The following UNC13C variants were observed in gnomAD, a reference collection of about 807,000 sequenced individuals.
UNC13C encodes the protein protein unc-13 homolog C.
A neutral mutation model predicts 245.4 loss-of-function variants in UNC13C; 174 were observed. That is an observed-to-expected ratio of 0.71 (90% confidence interval 0.63 to 0.80). The LOEUF (loss-of-function observed/expected upper bound fraction) is 0.80, where lower values mean the gene tolerates loss of function less well. Among genes scored for constraint, UNC13C ranks in the 30% least tolerant of loss-of-function variants. The pLI is 0.00. For synonymous variants in UNC13C, 992 were observed against 895.1 expected (o/e 1.11, Z -1.93); for missense variants, 2,829 against 2,602.9 (o/e 1.09, Z -1.89).
intron 13 of UNC13C, among the ~76,000 whole-genome samples, chr15:54,310,768 ATC>A (rs773181747): frequency 0.16 from 23,691 of 151,078 alleles, 2,229 homozygotes; most frequent in East Asian, 0.42. Flanking sequence ...CTATATCTAT[ATC>A]TATATCTATA....
intron 17 of UNC13C, among the ~76,000 whole-genome samples, chr15:54,357,691 T>A (rs955354069): frequency 9.2e-5 from 14 of 152,064 alleles, no homozygotes; most frequent in Non-Finnish European, 1.9e-4. Context: ...GAAAGTAATC[T>A]GGGGAGATAA....
At chr15:53,925,650 G>A in the UNC13C span, among the ~76,000 whole-genome samples, 16 of 152,238 alleles carry the variant, frequency 1.1e-4, no homozygotes, top group East Asian at 1.9e-3. Context: ...AGCTCTCCCC[G>A]TAAAATGACA....
At chr15:53,858,445 G>A in the UNC13C span, among the ~76,000 whole-genome samples, 1 of 150,448 alleles carries the variant, frequency 6.6e-6, no homozygotes, top group South Asian at 2.1e-4. Context: ...TTTTGAGATG[G>A]TGTCTCGCTC....
chr15:54,531,963 C>T (rs1271703287), intron 25 of UNC13C, among the ~76,000 whole-genome samples: 1 of 152,148 alleles, frequency 6.6e-6, no homozygotes, highest in Non-Finnish European at 1.5e-5. Flanking sequence ...CTTTACTTAA[C>T]ACAATGCTTT....
At chr15:54,033,159 T>C (rs558479804) in intron 2 of UNC13C, among the ~76,000 whole-genome samples, 1 of 152,268 alleles carries the variant, frequency 6.6e-6, no homozygotes, top group East Asian at 1.9e-4. Context: ...AAGATGTTCC[T>C]TTAATAATGG....
chr15:54,295,471 AG>A (rs1480683563), intron 11 of UNC13C, among the ~76,000 whole-genome samples: 2 of 152,218 alleles, frequency 1.3e-5, no homozygotes, highest in Non-Finnish European at 1.5e-5. Context: ...CAACATAGTG[AG>A]ACCCATCTCT....
chr15:54,271,423 A>G (rs1031157371), intron 10 of UNC13C, among the ~76,000 whole-genome samples: 13 of 152,198 alleles, frequency 8.5e-5, no homozygotes, highest in African/African-American at 3.1e-4. Flanking sequence ...TGTTAATGAA[A>G]TGTCTTATGC....
Position 54,143,678 on chromosome 15 carries a change from G to T in UNC13C, c.3065G>T (p.Cys1022Phe), listed in dbSNP as rs1354501333. Residue 1022 changes from cysteine (C) to phenylalanine (F), a missense_variant, in exon 4 of 33, where the codon TGT becomes TTT. Cys to Phe is a radical substitution (Grantham distance 205). Coordinates refer to ENST00000260323, the MANE Select transcript of UNC13C (RefSeq NM_001080534.3). ...TCCAAATTTTCTGCACTCCAGGTGT[G>T]TGGTGGGTAAGTACCTTCATACCTT... ...DASKFSALQV[C>F]GGAGGGLYGI... is the part of the protein sequence containing the mutation. 1.2e-6 allele frequency: 2 copies of T among 1,612,808 alleles called. No individual in the cohort carries two copies. Among genetic ancestry groups the T allele is most frequent in the Non-Finnish European group, 1.7e-6 (2 of 1,179,122 alleles).
At chr15:54,510,539 A>G (rs1192768170) in intron 23 of UNC13C, among the ~76,000 whole-genome samples, 1 of 151,730 alleles carries the variant, frequency 6.6e-6, no homozygotes, top group Non-Finnish European at 1.5e-5. Flanking sequence ...GTTAAAAAAT[A>G]AAGTTTTTAA....
intron 1 of UNC13C, among the ~76,000 whole-genome samples, chr15:53,989,101 G>C (rs1894269317): frequency 6.6e-6 from 1 of 151,922 alleles, no homozygotes; most frequent in African/African-American, 2.4e-5. Flanking sequence ...GCCATGCTTG[G>C]TGTGAGTAAA....
chr15:54,614,645 T>C (rs891691059), intron 30 of UNC13C, among the ~76,000 whole-genome samples: 1 of 152,000 alleles, frequency 6.6e-6, no homozygotes, highest in Non-Finnish European at 1.5e-5. Context: ...TAGGATCATA[T>C]ACTGTCTCCC....
chr15:54,322,193 G>T, intron 14 of UNC13C, 98 bp downstream of exon 14: 1 of 1,236,524 alleles, frequency 8.1e-7, no homozygotes, highest in Non-Finnish European at 1.1e-6. Flanking sequence ...TCTTATTGCA[G>T]AAAGGACATT....
intron 29 of UNC13C, among the ~76,000 whole-genome samples, chr15:54,566,576 G>A (rs558064265): frequency 6.6e-6 from 1 of 151,836 alleles, no homozygotes; most frequent in South Asian, 2.1e-4. Context: ...GCCTGGGGAG[G>A]GTATCTATAA....
chr15:53,973,789 C>T (rs772648331), upstream of UNC13C, among the ~76,000 whole-genome samples: 4 of 152,116 alleles, frequency 2.6e-5, no homozygotes, highest in Non-Finnish European at 4.4e-5. Flanking sequence ...CACCAAACAG[C>T]ATTCAACATC....
chr15:53,898,792 T>A, the UNC13C span, among the ~76,000 whole-genome samples: 2,346 of 152,324 alleles, frequency 0.015, 18 homozygotes, highest in Non-Finnish European at 0.023. Context: ...AATATAAGAA[T>A]ACTGAGTATC....
chr15:54,029,198 T>C (rs1443426818), intron 2 of UNC13C, among the ~76,000 whole-genome samples: 1 of 152,216 alleles, frequency 6.6e-6, no homozygotes, highest in East Asian at 1.9e-4. Flanking sequence ...GCTTCAGTTA[T>C]TGATGTTTTC....
chr15:54,590,939 T>C (rs1414794092), intron 30 of UNC13C, among the ~76,000 whole-genome samples: 1 of 152,182 alleles, frequency 6.6e-6, no homozygotes, highest in Non-Finnish European at 1.5e-5. Flanking sequence ...TTGTCATAGA[T>C]GGCTTTTATT....
At chr15:54,086,323 G>A (rs777397960) in intron 2 of UNC13C, among the ~76,000 whole-genome samples, 6 of 152,150 alleles carry the variant, frequency 3.9e-5, no homozygotes, top group Non-Finnish European at 8.8e-5. Context: ...AGAAAGATAT[G>A]GGAATACTAT....
At chr15:54,184,450 ATGT>A (rs1251730878) in intron 4 of UNC13C, among the ~76,000 whole-genome samples, 1 of 151,832 alleles carries the variant, frequency 6.6e-6, no homozygotes, top group Non-Finnish European at 1.5e-5. Flanking sequence ...CCGGTGTGTG[ATGT>A]TCCCCTTCCT....
Sources: gnomAD v4.1 joint callset for allele counts (sites outside exome capture counted in the v4.1 genomes callset) on GRCh38, gnomAD v4.1.1 for gene constraint, MANE v1.5 for transcripts, NCBI Gene and HGNC (gene_info 2026-07-23, HGNC 2026-07-21) for gene names.